Variants in CADPS observed in about 807,000 individuals in gnomAD.
CADPS encodes the protein calcium dependent secretion activator, also known as calcium-dependent secretion activator 1.
In CADPS, 57 loss-of-function variants were observed where a neutral mutation model predicts 167.3. That is an observed-to-expected ratio of 0.34 (90% CI 0.28 to 0.42). The LOEUF (loss-of-function observed/expected upper bound fraction) is 0.42, where lower values mean the gene tolerates loss of function less well. Ranked by LOEUF, CADPS falls within the 20% of genes least tolerant of loss-of-function variation. CADPS has a pLI of 1.00. For synonymous variants in CADPS, 676 were observed against 635.3 expected (o/e 1.06, Z -0.96); for missense variants, 1,414 against 1,738.1 (o/e 0.81, Z 3.32).
chr3:62,577,193 T>C lies in CADPS; in HGVS notation c.1578-6255A>G, dbSNP rs1242380760. On this transcript the variant is annotated intron_variant, in intron 8 of 29. Transcript: ENST00000383710. ...AGGGTAGCACCCATGGCAATGCTTG[T>C]AACTTTTCATTTGAATAAAAAAATG... 2.0e-5 allele frequency among the ~76,000 whole-genome samples: 3 copies of C among 152,306 alleles called. No individual in the cohort carries two copies. In the East Asian group the frequency reaches 5.8e-4, roughly 29 times the overall value.
chr3:62,702,982 A>ACATAGC (rs1468029246), intron 3 of CADPS, among the ~76,000 whole-genome samples: 5 of 152,148 alleles, frequency 3.3e-5, no homozygotes, highest in Admixed American at 2.0e-4. Context: ...GCCCAGGATG[A>ACATAGC]CATAGCCAGT....
intron 16 of CADPS, among the ~76,000 whole-genome samples, chr3:62,513,094 A>G (rs2068196450): frequency 6.6e-6 from 1 of 152,128 alleles, no homozygotes; most frequent in African/African-American, 2.4e-5. Flanking sequence ...GGACAAGTCA[A>G]AATCTCTAGA....
chr3:62,414,886 C>T (rs369841078), intron 28 of CADPS, among the ~76,000 whole-genome samples: 11 of 152,146 alleles, frequency 7.2e-5, no homozygotes, highest in African/African-American at 2.4e-4. Context: ...CCCAACCCCC[C>T]CAAACCCACT....
chr3:62,526,353 G>T (rs2072222563), intron 13 of CADPS, among the ~76,000 whole-genome samples: 2 of 152,088 alleles, frequency 1.3e-5, no homozygotes, highest in South Asian at 4.1e-4. Context: ...TTATAGATTT[G>T]TTAATTGCTG....
intron 3 of CADPS, among the ~76,000 whole-genome samples, chr3:62,711,771 T>C (rs2083435563): frequency 6.6e-6 from 1 of 152,344 alleles, no homozygotes; most frequent in East Asian, 1.9e-4. Flanking sequence ...CATTTGTTTG[T>C]TTATTGATTC....
chr3:62,472,839 G>C (rs1375410784), intron 24 of CADPS, among the ~76,000 whole-genome samples: 4 of 152,214 alleles, frequency 2.6e-5, no homozygotes, highest in Non-Finnish European at 5.9e-5. Context: ...CTTCCCCAAG[G>C]GGGGCTATCC....
chr3:62,633,203 A>C (rs752789707), intron 6 of CADPS, among the ~76,000 whole-genome samples: 1 of 152,122 alleles, frequency 6.6e-6, no homozygotes, highest in African/African-American at 2.4e-5. Context: ...TTTGGGCTCT[A>C]TGTCCCAATG....
rs968811961 is a variant in CADPS at position 62,465,522 on chromosome 3, C to T, written c.3553-72G>A. The T allele has an allele frequency of 4.8e-6, 5 of 1,035,172 alleles. No homozygotes were observed. In the African/African-American group the frequency reaches 8.1e-5, roughly 17 times the overall value. The allele number at this position is 1,035,172 out of a possible 1,614,324, so 64.1% of individuals were successfully genotyped here. On this transcript the variant is annotated intron_variant, in intron 25 of 29. Coordinates refer to ENST00000383710, the MANE Select transcript of CADPS (RefSeq NM_003716.4). The surrounding 1 kb of genome is among the most constrained non-coding windows in gnomAD (Gnocchi z 4.1). ...TGTTCACCATAAAGCACATCATTTCCCCACCACATAAAGGCTGGGATCGAG... is the reference window on the plus strand; with the variant it reads ...TGTTCACCATAAAGCACATCATTTCTCCACCACATAAAGGCTGGGATCGAG...
intron 11 of CADPS, among the ~76,000 whole-genome samples, chr3:62,543,660 A>G (rs568154545): frequency 6.6e-6 from 1 of 152,238 alleles, no homozygotes; most frequent in African/African-American, 2.4e-5. Context: ...CAAATTAAAG[A>G]AGGAAACAAA....
chr3:62,564,395 C>T (rs1472938992), intron 9 of CADPS, among the ~76,000 whole-genome samples: 9 of 152,216 alleles, frequency 5.9e-5, no homozygotes, highest in Non-Finnish European at 8.8e-5. Flanking sequence ...TGTGAAGTTG[C>T]GAAAAGCCTT....
chr3:62,721,218 T>C (rs2075767643), intron 3 of CADPS, among the ~76,000 whole-genome samples: 1 of 151,112 alleles, frequency 6.6e-6, no homozygotes. Flanking sequence ...GTGCTTCTGC[T>C]CATCAGAGCG....
At chr3:62,849,522 C>T (rs1221191374) in intron 1 of CADPS, among the ~76,000 whole-genome samples, 38 of 117,952 alleles carry the variant, frequency 3.2e-4, no homozygotes, top group African/African-American at 1.2e-3. Context: ...TTTTCTGCAT[C>T]TATTGAGATA....
rs2083299059 is a variant in CADPS, at chr3:62,874,530, C to T, written c.441+59G>A. On this transcript the variant is annotated intron_variant, in intron 1 of 29. Coordinates refer to ENST00000383710, the MANE Select transcript of CADPS (RefSeq NM_003716.4). The surrounding 1 kb of genome is among the most constrained non-coding windows in gnomAD (Gnocchi z 7.1). Reference sequence around the variant, plus strand: ...AGCTGCGCCGCCAGCTCCCATTGTTCACCCCGCCCGCCTGGCGACGTCCGG... The same window carrying T: ...AGCTGCGCCGCCAGCTCCCATTGTTTACCCCGCCCGCCTGGCGACGTCCGG... The T allele has an allele frequency of 5.9e-6, 8 of 1,355,188 alleles. No homozygotes were observed. Among genetic ancestry groups the T allele is most frequent in the Non-Finnish European group, 8.2e-6 (8 of 980,414 alleles). The allele number at this position is 1,355,188 out of a possible 1,614,324, so 83.9% of individuals were successfully genotyped here.
At chr3:62,724,311 T>A (rs1385295544) in intron 3 of CADPS, among the ~76,000 whole-genome samples, 2 of 152,192 alleles carry the variant, frequency 1.3e-5, no homozygotes, top group Non-Finnish European at 2.9e-5. Flanking sequence ...TGCCTCCCTT[T>A]TACTGATGAA....
At chr3:62,583,163 C>G (rs938386282) in intron 8 of CADPS, among the ~76,000 whole-genome samples, 3 of 146,990 alleles carry the variant, frequency 2.0e-5, no homozygotes, top group Non-Finnish European at 3.0e-5. Context: ...TTGTCTCTCT[C>G]TCTCTCTCTC....
chr3:62,832,308 G>A (rs2075228646), intron 1 of CADPS, among the ~76,000 whole-genome samples: 2 of 152,204 alleles, frequency 1.3e-5, no homozygotes, highest in Non-Finnish European at 2.9e-5. Context: ...TCTTTGAGAA[G>A]TGTTTATGTT....
intron 24 of CADPS, among the ~76,000 whole-genome samples, chr3:62,470,225 G>C (rs1008045740): frequency 1.3e-5 from 2 of 152,214 alleles, no homozygotes; most frequent in African/African-American, 2.4e-5. Context: ...AATCCAGGAT[G>C]CGATCTTAAA....
At chr3:62,498,867 A>T (rs572948562) in intron 18 of CADPS, among the ~76,000 whole-genome samples, 1 of 118,036 alleles carries the variant, frequency 8.5e-6, no homozygotes, top group South Asian at 3.1e-4. Context: ...TGTGTTCTGG[A>T]CAATGGTAAC....
chr3:62,852,173 C>T (rs370807808), intron 1 of CADPS, among the ~76,000 whole-genome samples: 3,641 of 150,140 alleles, frequency 0.024, 159 homozygotes, highest in African/African-American at 0.085. Flanking sequence ...GTTATACATT[C>T]TTCTAAATTT....
Sources: allele counts gnomAD v4.1 joint callset (sites outside exome capture counted in the v4.1 genomes callset), GRCh38; gene constraint gnomAD v4.1.1; non-coding constraint Gnocchi (gnomAD v3.1); transcripts MANE v1.5; gene names NCBI Gene and HGNC (gene_info 2026-07-23, HGNC 2026-07-21).